CEP63: variants seen among roughly 807,000 people sequenced by gnomAD.
CEP63 encodes centrosomal protein of 63 kDa.
CEP63 carries 84 observed loss-of-function variants against 89.1 expected under a neutral mutation model. That is an observed-to-expected ratio of 0.94 (90% CI 0.79 to 1.13). The LOEUF is 1.13. Among genes scored for constraint, CEP63 ranks in the 50% most tolerant of loss-of-function variants. The probability of loss-of-function intolerance (pLI) is 0.00; values close to 1 mark genes in which losing one functional copy is unlikely to be tolerated. For missense variants in CEP63, 838 were observed against 813.3 expected, an observed-to-expected ratio of 1.03 and a Z score of -0.37; for synonymous variants, 267 against 272.5, an observed-to-expected ratio of 0.98 and a Z score of 0.20.
At chr3:134,690,813 A>G in the CEP63 span, among the ~76,000 whole-genome samples, 1 of 144,916 alleles carries the variant, frequency 6.9e-6, no homozygotes. Context: ...CAACAGTGCA[A>G]TCTTGGCTCA....
chr3:134,673,933 C>T, the CEP63 span, among the ~76,000 whole-genome samples: 2 of 152,160 alleles, frequency 1.3e-5, no homozygotes, highest in African/African-American at 4.8e-5. Context: ...ATTTGGGGGC[C>T]CACCATCTCT....
chr3:134,619,912 G>A, the CEP63 span: 1 of 152,616 alleles, frequency 6.6e-6, no homozygotes, highest in African/African-American at 2.4e-5. Flanking sequence ...TGGGAGCTGA[G>A]CTGGGGGTCT....
intron 10 of CEP63, among the ~76,000 whole-genome samples, chr3:134,585,782 G>A (rs1958471631): frequency 6.6e-6 from 1 of 151,972 alleles, no homozygotes; most frequent in East Asian, 1.9e-4. Context: ...GTCCAATATT[G>A]ACAGAAGGTT....
the CEP63 span, among the ~76,000 whole-genome samples, chr3:134,694,925 G>A: frequency 6.6e-6 from 1 of 152,220 alleles, no homozygotes; most frequent in African/African-American, 2.4e-5. Context: ...TTGTATTTGT[G>A]TGTGTGCATG....
chr3:134,710,063 G>A, the CEP63 span, among the ~76,000 whole-genome samples: 1 of 152,206 alleles, frequency 6.6e-6, no homozygotes, highest in African/African-American at 2.4e-5. Context: ...CAGAGGTCTG[G>A]GGCCAGATGG....
At chr3:134,580,766 T>C (rs1236462790) in intron 10 of CEP63, among the ~76,000 whole-genome samples, 2 of 152,164 alleles carry the variant, frequency 1.3e-5, no homozygotes, top group East Asian at 3.8e-4. Context: ...TGAGAAAAAA[T>C]AGAGTTCACC....
the CEP63 span, among the ~76,000 whole-genome samples, chr3:134,702,318 C>T: frequency 6.6e-6 from 1 of 151,832 alleles, no homozygotes; most frequent in African/African-American, 2.4e-5. Context: ...AAATGCTATA[C>T]CCATTAAACT....
the CEP63 span, among the ~76,000 whole-genome samples, chr3:134,770,595 A>G: frequency 1.3e-5 from 2 of 152,312 alleles, no homozygotes; most frequent in African/African-American, 4.8e-5. Flanking sequence ...TTGAAACATT[A>G]AGCTAGTTTA....
chr3:134,617,379 A>T, the CEP63 span, among the ~76,000 whole-genome samples: 1 of 152,138 alleles, frequency 6.6e-6, no homozygotes, highest in African/African-American at 2.4e-5. Context: ...ATTTCTATAT[A>T]TGTCTATTGA....
At chr3:134,669,484 C>T in the CEP63 span, among the ~76,000 whole-genome samples, 1 of 152,158 alleles carries the variant, frequency 6.6e-6, no homozygotes, top group Admixed American at 6.5e-5. Context: ...GTCTTGGGCC[C>T]AAGTTGCTTT....
the CEP63 span, among the ~76,000 whole-genome samples, chr3:134,760,302 G>A: frequency 0.01 from 1,564 of 152,002 alleles, 34 homozygotes; most frequent in African/African-American, 0.036. Context: ...CTCGTGATCC[G>A]CCCGCCTCGG....
the CEP63 span, among the ~76,000 whole-genome samples, chr3:134,630,899 A>T: frequency 2.0e-5 from 3 of 152,262 alleles, no homozygotes; most frequent in African/African-American, 7.2e-5. Flanking sequence ...AGTATCAGCG[A>T]TAAAAAAGAA....
At chr3:134,662,277 A>C in the CEP63 span, among the ~76,000 whole-genome samples, 1 of 44,274 alleles carries the variant, frequency 2.3e-5, no homozygotes, top group Admixed American at 3.3e-4. Flanking sequence ...ACTTCATCTC[A>C]AAAAAGAAAA....
chr3:134,686,973 T>C, the CEP63 span, among the ~76,000 whole-genome samples: 1 of 152,210 alleles, frequency 6.6e-6, no homozygotes, highest in Non-Finnish European at 1.5e-5. Context: ...CTGAAGGGCC[T>C]TCCCCCAGAG....
chr3:134,613,589 G>A, the CEP63 span, among the ~76,000 whole-genome samples: 1 of 152,300 alleles, frequency 6.6e-6, no homozygotes, highest in South Asian at 2.1e-4. Flanking sequence ...ATCTCCAGGG[G>A]TTGATTCTTC....
chr3:134,651,352 C>T, the CEP63 span: 3 of 1,148,908 alleles, frequency 2.6e-6, no homozygotes, highest in Non-Finnish European at 2.2e-6. Flanking sequence ...CTGCCTCATC[C>T]CCACGGTCTC....
chr3:134,485,842 A>C (rs1219470998), upstream of CEP63: 1 of 332,830 alleles, frequency 3.0e-6, no homozygotes, highest in South Asian at 1.2e-4. Context: ...AACGGTTATG[A>C]GCGTAAAGTG....
chr3:134,697,064 G>A, the CEP63 span, among the ~76,000 whole-genome samples: 6 of 152,184 alleles, frequency 3.9e-5, no homozygotes, highest in African/African-American at 1.2e-4. Context: ...ACCTGTCCAG[G>A]GGTGAGTGAT....
chr3:134,511,604 C>T lies in CEP63; in HGVS notation c.222+4318C>T, dbSNP rs146467902. Among the ~76,000 whole-genome samples the T allele has an allele frequency of 7.6e-3, 1,152 of 152,236 alleles. 17 individuals carry two copies. The highest frequency in any genetic ancestry group is 0.026 in the African/African-American group (1,095 of 41,520). On this transcript the variant is annotated intron_variant, in intron 3 of 14. Coordinates refer to ENST00000675561, the MANE Select transcript of CEP63 (RefSeq NM_001353108.3). ...ATGCAGAAAAGAGGTTTAATTGACT[C>T]ACAGTTCCACAGGCTGTACAGGAAG...
Sources: allele counts gnomAD v4.1 joint callset (sites outside exome capture counted in the v4.1 genomes callset), GRCh38; gene constraint gnomAD v4.1.1; transcripts MANE v1.5; gene names NCBI Gene and HGNC (gene_info 2026-07-23, HGNC 2026-07-21).